TBC1D19: variants seen among roughly 807,000 people sequenced by gnomAD.
The protein encoded by TBC1D19 is TBC1 domain family member 19.
Under a neutral mutation model 89.0 loss-of-function variants are expected in TBC1D19, and 60 were observed. The observed-to-expected ratio is 0.67, with a 90% CI of 0.55 to 0.84. The LOEUF (loss-of-function observed/expected upper bound fraction) is 0.84. Among genes scored for constraint, TBC1D19 ranks in the 40% least tolerant of loss-of-function variants. The probability of loss-of-function intolerance (pLI) is 0.00; values close to 1 mark genes in which losing one functional copy is unlikely to be tolerated. For synonymous variants in TBC1D19, 189 were observed against 199.7 expected (o/e 0.95, Z 0.45); for missense variants, 500 against 610.8 (o/e 0.82, Z 1.91).
chr4:26,793,069 A>C, the TBC1D19 span, among the ~76,000 whole-genome samples: 1 of 152,194 alleles, frequency 6.6e-6, no homozygotes, highest in East Asian at 1.9e-4. Flanking sequence ...AACATCTAAC[A>C]GACAACCAGA....
chr4:26,691,448 G>T (rs1180270273), intron 13 of TBC1D19, among the ~76,000 whole-genome samples: 2 of 152,160 alleles, frequency 1.3e-5, no homozygotes, highest in Admixed American at 1.3e-4. Context: ...ATTTATTGTT[G>T]TCTTATTTTA....
At chr4:26,720,336 C>G (rs1647287191) in intron 15 of TBC1D19, among the ~76,000 whole-genome samples, 1 of 152,130 alleles carries the variant, frequency 6.6e-6, no homozygotes, top group African/African-American at 2.4e-5. Flanking sequence ...CTGGGACCAA[C>G]AGTAAACCTG....
chr4:26,608,221 C>T (rs1453124480), intron 1 of TBC1D19, among the ~76,000 whole-genome samples: 3 of 152,138 alleles, frequency 2.0e-5, no homozygotes, highest in Non-Finnish European at 4.4e-5. Context: ...ACCAGGAAAT[C>T]TATTAAAAAT....
rs191296599 is a variant in TBC1D19 at position 26,601,351 on chromosome 4, T to C, written c.100-11818T>C. 2.4e-3 allele frequency among the ~76,000 whole-genome samples: 372 copies of C among 152,308 alleles called. 3 individuals are homozygous for C. Among genetic ancestry groups the C allele is most frequent in the South Asian group, 3.1e-3 (15 of 4,830 alleles). ...GCTTCAAAGTTCATTCATGTTGTAG[T>C]GTGTGTTGGAATTTTCTTCCTTTTT... On this transcript the variant is annotated intron_variant, in intron 1 of 20. Coordinates refer to ENST00000264866, the MANE Select transcript of TBC1D19 (RefSeq NM_018317.4).
At chr4:26,624,376 TTTTTTA>T (rs1560425380) in intron 4 of TBC1D19, among the ~76,000 whole-genome samples, 1 of 152,166 alleles carries the variant, frequency 6.6e-6, no homozygotes, top group Non-Finnish European at 1.5e-5. Flanking sequence ...TAATTGCTTT[TTTTTTA>T]TTTTTATTTT....
At chr4:26,672,109 T>C in intron 9 of TBC1D19, 40 bp from the exon 10 acceptor site, 1 of 877,676 alleles carries the variant, frequency 1.1e-6, no homozygotes, top group Non-Finnish European at 1.6e-6. Context: ...TGATTGCTCA[T>C]ACTCATGTCT....
chr4:26,748,875 T>A (rs1718793628), intron 19 of TBC1D19, among the ~76,000 whole-genome samples: 1 of 152,014 alleles, frequency 6.6e-6, no homozygotes, highest in African/African-American at 2.4e-5. Flanking sequence ...TACTCTGGAC[T>A]CCCCTGGCTA....
upstream of TBC1D19, among the ~76,000 whole-genome samples, chr4:26,580,123 T>A (rs968877105): frequency 1.3e-5 from 2 of 152,008 alleles, no homozygotes; most frequent in Admixed American, 1.3e-4. Flanking sequence ...AGTAGCCCAG[T>A]CCTCCCCATT....
chr4:26,850,816 G>T, the TBC1D19 span, among the ~76,000 whole-genome samples: 51,805 of 151,814 alleles, frequency 0.34, 9,085 homozygotes, highest in African/African-American at 0.44. Flanking sequence ...TTAATTTTAG[G>T]TGTTGGCTTG....
chr4:26,588,819 T>C (rs1739590383), intron 1 of TBC1D19, among the ~76,000 whole-genome samples: 1 of 152,252 alleles, frequency 6.6e-6, no homozygotes, highest in Non-Finnish European at 1.5e-5. Context: ...GTTTGTTTCA[T>C]ATGTACTTGA....
chr4:26,749,411 GA>G (rs1718822896), intron 19 of TBC1D19, among the ~76,000 whole-genome samples: 1 of 150,546 alleles, frequency 6.6e-6, no homozygotes, highest in Admixed American at 6.6e-5. Context: ...AATATGATAG[GA>G]AGATTCTCTA....
At chr4:26,639,957 T>G (rs764445295) in intron 6 of TBC1D19, among the ~76,000 whole-genome samples, 184 bp from the exon 7 acceptor site, 1 of 152,332 alleles carries the variant, frequency 6.6e-6, no homozygotes, top group South Asian at 2.1e-4. Context: ...TCATCTAGGA[T>G]GTTAAGGGCA....
At chr4:26,717,417 C>T (rs965728875) in intron 13 of TBC1D19, among the ~76,000 whole-genome samples, 1 of 152,018 alleles carries the variant, frequency 6.6e-6, no homozygotes, top group Non-Finnish European at 1.5e-5. Context: ...ATACTCTACC[C>T]TACTGGTCAG....
chr4:26,848,625 T>G, the TBC1D19 span, among the ~76,000 whole-genome samples: 22 of 152,224 alleles, frequency 1.4e-4, no homozygotes, highest in Admixed American at 1.4e-3. Flanking sequence ...CAAAGTTAGC[T>G]TTGAGCTCCC....
intron 13 of TBC1D19, among the ~76,000 whole-genome samples, chr4:26,711,516 A>G (rs1716187714): frequency 6.6e-6 from 1 of 152,030 alleles, no homozygotes; most frequent in African/African-American, 2.4e-5. Context: ...CCATAAATAT[A>G]TTTTCTAGAA....
chr4:26,617,363 A>G (rs1039758193), intron 3 of TBC1D19, among the ~76,000 whole-genome samples: 2 of 152,220 alleles, frequency 1.3e-5, no homozygotes, highest in African/African-American at 4.8e-5. Flanking sequence ...CATGGCAGAA[A>G]CTTAAGTAAC....
At chr4:26,791,920 C>T in the TBC1D19 span, among the ~76,000 whole-genome samples, 1 of 152,256 alleles carries the variant, frequency 6.6e-6, no homozygotes, top group Admixed American at 6.5e-5. Flanking sequence ...AAGTTGTCAG[C>T]CTATAGATGA....
chr4:26,577,928 CAA>C (rs1188016892), intron 1 of TBC1D19, among the ~76,000 whole-genome samples: 3 of 152,168 alleles, frequency 2.0e-5, no homozygotes, highest in African/African-American at 7.2e-5. Flanking sequence ...TTAGATAAAA[CAA>C]GAGCATTCAA....
chr4:26,749,448 G>GTGTT (rs1553916769), intron 19 of TBC1D19, among the ~76,000 whole-genome samples: 1 of 107,154 alleles, frequency 9.3e-6, no homozygotes. Flanking sequence ...TATTCGGGTT[G>GTGTT]TTTTTTTTTT....
Sources: allele counts gnomAD v4.1 joint callset (sites outside exome capture counted in the v4.1 genomes callset), GRCh38; gene constraint gnomAD v4.1.1; transcripts MANE v1.5; gene names NCBI Gene and HGNC (gene_info 2026-07-23, HGNC 2026-07-21).